RABGAP1L: variants seen among roughly 807,000 people sequenced by gnomAD.
The protein encoded by RABGAP1L is RAB GTPase activating protein 1 like, also known as rab GTPase-activating protein 1-like.
In RABGAP1L, 63 loss-of-function variants were observed where a neutral mutation model predicts 137.7. The ratio of observed to expected loss-of-function variants is 0.46; its 90% CI spans 0.37 to 0.56. RABGAP1L has a LOEUF of 0.56. Among genes scored for constraint, RABGAP1L ranks in the 20% least tolerant of loss-of-function variants. The pLI is 0.00. For missense variants in RABGAP1L, 1,095 were observed against 1,244.0 expected, an observed-to-expected ratio of 0.88 and a Z score of 1.80; for synonymous variants, 431 against 433.7, an observed-to-expected ratio of 0.99 and a Z score of 0.08.
intron 19 of RABGAP1L, among the ~76,000 whole-genome samples, chr1:174,926,936 G>A (rs868612960): frequency 3.9e-5 from 6 of 152,090 alleles, no homozygotes; most frequent in Middle Eastern, 3.4e-3. Flanking sequence ...AGCCAGGCGT[G>A]GTGGCACACA....
chr1:174,517,564 A>G (rs1020310573), intron 13 of RABGAP1L, among the ~76,000 whole-genome samples: 4 of 152,214 alleles, frequency 2.6e-5, no homozygotes, highest in Non-Finnish European at 5.9e-5. Context: ...TTCTGTAGAA[A>G]TACACTGTAG....
Position 174,932,491 on chromosome 1 carries a change from C to T in RABGAP1L, c.2341-24966C>T, listed in dbSNP as rs946242153. On this transcript the variant is annotated intron_variant, in intron 19 of 25. Coordinates refer to ENST00000681986, the MANE Select transcript of RABGAP1L (RefSeq NM_001366446.1). ...ATATTATAGAAGTGATGCTGTTTTT[C>T]TCATCCCATTCATTCTATCAGATGG... Among the ~76,000 whole-genome samples, 5 of 152,104 alleles carry T rather than the reference C, an allele frequency of 3.3e-5. No individual in the cohort carries two copies. The East Asian group carries it at 7.8e-4, about 24-fold the overall frequency.
intron 13 of RABGAP1L, among the ~76,000 whole-genome samples, chr1:174,610,303 G>C (rs974951945): frequency 6.8e-6 from 1 of 147,904 alleles, no homozygotes; most frequent in Non-Finnish European, 1.5e-5. Context: ...AGAACATGCA[G>C]TGTTTGGTTT....
intron 11 of RABGAP1L, among the ~76,000 whole-genome samples, chr1:174,320,002 C>A (rs1679794613): frequency 6.6e-6 from 1 of 152,082 alleles, no homozygotes; most frequent in Non-Finnish European, 1.5e-5. Context: ...TCAGCTTGCT[C>A]ACTCTTCAAA....
chr1:174,180,316 T>C (rs979379719), intron 1 of RABGAP1L, among the ~76,000 whole-genome samples: 1 of 152,224 alleles, frequency 6.6e-6, no homozygotes, highest in Non-Finnish European at 1.5e-5. Context: ...TTCTTAGCAC[T>C]CTTTACTGCC....
chr1:174,893,912 G>A (rs1444111786), intron 19 of RABGAP1L, among the ~76,000 whole-genome samples: 1 of 152,100 alleles, frequency 6.6e-6, no homozygotes. Flanking sequence ...CTGATACTCT[G>A]AGCACATGCA....
intron 15 of RABGAP1L, among the ~76,000 whole-genome samples, chr1:174,696,379 T>G (rs1679262362): frequency 6.6e-6 from 1 of 151,978 alleles, no homozygotes; most frequent in Non-Finnish European, 1.5e-5. Context: ...ACTCTTACTT[T>G]TTTGTTGTTG....
rs192874249 is a variant in RABGAP1L at position 174,792,451 on chromosome 1, C to T, written c.2212-19381C>T. Among the ~76,000 whole-genome samples, 675 of 151,916 alleles carry T rather than the reference C, an allele frequency of 4.4e-3. 4 individuals carry two copies. Among genetic ancestry groups the T allele is most frequent in the Non-Finnish European group, 7.1e-3 (484 of 67,934 alleles). ...TCTTTGAATATTTTAATTAACGTCACGTGGAAAAAAAGAAGTAGACTTAGT... is the reference window on the plus strand; with the variant it reads ...TCTTTGAATATTTTAATTAACGTCATGTGGAAAAAAAGAAGTAGACTTAGT... On this transcript the variant is annotated intron_variant, in intron 18 of 25. Coordinates refer to ENST00000681986, the MANE Select transcript of RABGAP1L (RefSeq NM_001366446.1).
At chr1:174,256,565 G>T (rs547761966) in intron 7 of RABGAP1L, among the ~76,000 whole-genome samples, 11 of 152,046 alleles carry the variant, frequency 7.2e-5, no homozygotes, top group Non-Finnish European at 1.3e-4. Context: ...GGCAGATCAC[G>T]AGGTCAAGAG....
intron 3 of RABGAP1L, among the ~76,000 whole-genome samples, chr1:174,223,215 C>CCAAGACT (rs1669894238): frequency 7.6e-6 from 1 of 132,290 alleles, no homozygotes; most frequent in Non-Finnish European, 1.6e-5. Context: ...TTGCAGTGAG[C>CCAAGACT]CAAGACTGCA....
intron 13 of RABGAP1L, among the ~76,000 whole-genome samples, chr1:174,546,945 G>T (rs1428075509): frequency 6.8e-6 from 1 of 148,080 alleles, no homozygotes; most frequent in Non-Finnish European, 1.5e-5. Flanking sequence ...CAGGAGAATG[G>T]CGTGAACCCG....
At chr1:174,581,609 T>A (rs577631050) in intron 13 of RABGAP1L, among the ~76,000 whole-genome samples, 31 of 152,340 alleles carry the variant, frequency 2.0e-4, no homozygotes, top group African/African-American at 7.0e-4. Flanking sequence ...GAAAATGTTT[T>A]AAACCTCGAC....
intron 1 of RABGAP1L, among the ~76,000 whole-genome samples, chr1:174,186,303 A>C (rs1469774133): frequency 6.6e-6 from 1 of 152,212 alleles, no homozygotes; most frequent in East Asian, 1.9e-4. Flanking sequence ...CTCCCAAGGA[A>C]ATTCTCTACG....
At chr1:174,747,496 C>T (rs899853846) in intron 17 of RABGAP1L, among the ~76,000 whole-genome samples, 2 of 150,202 alleles carry the variant, frequency 1.3e-5, no homozygotes, top group Admixed American at 6.6e-5. Context: ...TTGTTTGCAT[C>T]GTCTAGCCAC....
rs555028106 is a variant in RABGAP1L at position 174,822,167 on chromosome 1, A to G, written c.2340+10207A>G. 3.9e-4 allele frequency among the ~76,000 whole-genome samples: 59 copies of G among 152,346 alleles called. No homozygotes were observed. The Middle Eastern group carries it at 0.01, about 26-fold the overall frequency. On this transcript the variant is annotated intron_variant, in intron 19 of 25. Coordinates refer to ENST00000681986, the MANE Select transcript of RABGAP1L (RefSeq NM_001366446.1). Reference sequence around the variant, plus strand: ...TCCCAGCTACTCGAGAGGCTGAGGCAGGAGAATCACTTGAACCTGGGAGGC... The same window carrying G: ...TCCCAGCTACTCGAGAGGCTGAGGCGGGAGAATCACTTGAACCTGGGAGGC...
intron 14 of RABGAP1L, among the ~76,000 whole-genome samples, chr1:174,639,808 A>G (rs898852097): frequency 2.0e-5 from 3 of 152,182 alleles, no homozygotes; most frequent in African/African-American, 7.2e-5. Flanking sequence ...TAGTTGATAC[A>G]CTTTGATTTG....
intron 17 of RABGAP1L, among the ~76,000 whole-genome samples, chr1:174,740,449 G>A (rs1338519464): frequency 6.6e-6 from 1 of 152,064 alleles, no homozygotes; most frequent in Non-Finnish European, 1.5e-5. Context: ...ATTTCCTGGT[G>A]TGTCAGTCTC....
At chr1:174,320,410 G>A (rs1049603327) in intron 11 of RABGAP1L, among the ~76,000 whole-genome samples, 4 of 152,120 alleles carry the variant, frequency 2.6e-5, no homozygotes, top group Non-Finnish European at 5.9e-5. Context: ...CATCATGTTA[G>A]CAGTTGGTTC....
At chr1:174,306,226 C>T (rs532276181) in intron 11 of RABGAP1L, among the ~76,000 whole-genome samples, 3 of 152,262 alleles carry the variant, frequency 2.0e-5, no homozygotes, top group South Asian at 2.1e-4. Context: ...AATAAACGTA[C>T]GTGTGCACGT....
Sources: gnomAD v4.1 joint callset for allele counts (sites outside exome capture counted in the v4.1 genomes callset) on GRCh38, gnomAD v4.1.1 for gene constraint, MANE v1.5 for transcripts, NCBI Gene and HGNC (gene_info 2026-07-23, HGNC 2026-07-21) for gene names.